RNLS: variants seen among roughly 807,000 people sequenced by gnomAD.
The protein encoded by RNLS is renalase.
A neutral mutation model predicts 39.8 loss-of-function variants in RNLS; 39 were observed. The observed-to-expected ratio is 0.98, with a 90% CI of 0.76 to 1.28. The LOEUF (loss-of-function observed/expected upper bound fraction) is 1.28. RNLS is among the 50% of genes most tolerant of loss of function. The pLI, the probability that RNLS is intolerant of heterozygous loss-of-function variation, is 0.00. For missense variants in RNLS, 410 were observed against 413.3 expected (o/e 0.99, Z 0.07); for synonymous variants, 147 against 150.7 (o/e 0.98, Z 0.18).
intron 6 of RNLS, among the ~76,000 whole-genome samples, chr10:88,278,776 C>T (rs749915826): frequency 6.6e-6 from 1 of 152,142 alleles, no homozygotes; most frequent in Non-Finnish European, 1.5e-5. Flanking sequence ...ATAGAAACCA[C>T]ATAAAGCAAA....
In RNLS at chr10:88,536,385, T is replaced by C. The variant is rs145542731; in HGVS notation, c.526+36518A>G. Among the ~76,000 whole-genome samples, 453 of 152,324 alleles carry C rather than the reference T, an allele frequency of 3.0e-3. 2 individuals carry two copies. Among genetic ancestry groups the C allele is most frequent in the Middle Eastern group, 0.024 (7 of 294 alleles). The stretch of plus-strand genomic sequence containing the variant: ...TCTCGCTTGAATCACTACAGTCTTC[T>C]TCCTGCACTTTCCAGTCTTGCCACC... On this transcript the variant is annotated intron_variant, in intron 4 of 6. Coordinates refer to ENST00000331772, the MANE Select transcript of RNLS (RefSeq NM_001031709.3).
At position 88,343,515 on chromosome 10, in the gene RNLS, A is replaced by G. The variant is rs368291966; in HGVS notation, c.700+19037T>C. ...GTAAGTTTGATCTTAACATATATAT[A>G]TATTTTCCAAAAACAACAAAAAAGG... On this transcript the variant is annotated intron_variant, in intron 5 of 6. Transcript: ENST00000331772. The G allele has an allele frequency of 2.8e-5, 27 of 960,430 alleles. No homozygotes were observed. In the African/African-American group the frequency reaches 3.7e-4, roughly 13 times the overall value. 59.5% of individuals were successfully genotyped at this position (960,430 alleles called of 1,614,324 possible).
chr10:88,380,667 A>T (rs1851408997), intron 4 of RNLS, among the ~76,000 whole-genome samples: 1 of 152,062 alleles, frequency 6.6e-6, no homozygotes, highest in African/African-American at 2.4e-5. Context: ...TACAGGCGTG[A>T]GCCACTGTGC....
intron 5 of RNLS, among the ~76,000 whole-genome samples, chr10:88,340,127 A>T (rs1847827310): frequency 6.6e-6 from 1 of 152,194 alleles, no homozygotes; most frequent in South Asian, 2.1e-4. Context: ...AGAGGAAGCA[A>T]TATCTTGAAG....
chr10:88,489,002 G>A (rs1241728957), intron 4 of RNLS, among the ~76,000 whole-genome samples: 1 of 152,190 alleles, frequency 6.6e-6, no homozygotes, highest in Non-Finnish European at 1.5e-5. Flanking sequence ...ATCATTATCT[G>A]TAATAAGACA....
intron 4 of RNLS, among the ~76,000 whole-genome samples, chr10:88,367,251 G>A (rs1850193206): frequency 6.6e-6 from 1 of 152,002 alleles, no homozygotes; most frequent in South Asian, 2.1e-4. Context: ...TCCTGCTGCA[G>A]GTAATCAGTA....
chr10:88,330,808 TA>T (rs1847061643), intron 5 of RNLS, among the ~76,000 whole-genome samples: 1 of 152,172 alleles, frequency 6.6e-6, no homozygotes, highest in Admixed American at 6.5e-5. Flanking sequence ...TAATAATATT[TA>T]AAATTTTTTG....
At chr10:88,517,864 A>C (rs1291094886) in intron 4 of RNLS, among the ~76,000 whole-genome samples, 1 of 151,958 alleles carries the variant, frequency 6.6e-6, no homozygotes, top group East Asian at 1.9e-4. Context: ...GAAAAGGAAC[A>C]CTGAATTTTA....
the RNLS span, among the ~76,000 whole-genome samples, chr10:88,222,477 T>G: frequency 6.6e-6 from 1 of 152,200 alleles, no homozygotes; most frequent in African/African-American, 2.4e-5. Flanking sequence ...TTACTTTCTC[T>G]GCCTCAATTT....
the RNLS span, among the ~76,000 whole-genome samples, chr10:88,261,666 C>T: frequency 6.6e-6 from 1 of 152,092 alleles, no homozygotes; most frequent in Non-Finnish European, 1.5e-5. Flanking sequence ...TCTACCACAC[C>T]CTCCCTTTAG....
At chr10:88,419,843 A>G (rs1454247191) in intron 4 of RNLS, among the ~76,000 whole-genome samples, 1 of 141,768 alleles carries the variant, frequency 7.1e-6, no homozygotes, top group East Asian at 2.0e-4. Context: ...TGTCTCTACT[A>G]AAAAAAAGTA....
At chr10:88,469,798 T>C (rs1203049477) in intron 4 of RNLS, among the ~76,000 whole-genome samples, 1 of 150,042 alleles carries the variant, frequency 6.7e-6, no homozygotes, top group Non-Finnish European at 1.5e-5. Flanking sequence ...GATCCATCTA[T>C]GGGTCAATAT....
At chr10:88,513,040 T>C (rs556858969) in intron 4 of RNLS, among the ~76,000 whole-genome samples, 2 of 152,266 alleles carry the variant, frequency 1.3e-5, no homozygotes, top group South Asian at 4.1e-4. Flanking sequence ...TTTTAAACTC[T>C]ACCTCTGAAT....
At chr10:88,499,321 G>A (rs1268826223) in intron 4 of RNLS, among the ~76,000 whole-genome samples, 2 of 152,094 alleles carry the variant, frequency 1.3e-5, no homozygotes, top group Non-Finnish European at 2.9e-5. Flanking sequence ...GTTTAACACT[G>A]TTAGAAGGCT....
At chr10:88,179,372 A>G in the RNLS span, among the ~76,000 whole-genome samples, 2 of 152,206 alleles carry the variant, frequency 1.3e-5, no homozygotes, top group Admixed American at 6.5e-5. Flanking sequence ...GCTAGTTAGT[A>G]GAATGTTAGC....
At chr10:88,538,325 C>T (rs868310112) in intron 4 of RNLS, among the ~76,000 whole-genome samples, 7 of 152,212 alleles carry the variant, frequency 4.6e-5, no homozygotes, top group African/African-American at 7.2e-5. Flanking sequence ...GAAGAGATGA[C>T]CAGAACAGCT....
intron 4 of RNLS, among the ~76,000 whole-genome samples, chr10:88,379,100 T>C (rs1477684472): frequency 6.6e-6 from 1 of 152,226 alleles, no homozygotes; most frequent in Non-Finnish European, 1.5e-5. Context: ...GGCATTATGA[T>C]GGCTACAACA....
At chr10:88,189,613 A>G in the RNLS span, among the ~76,000 whole-genome samples, 2 of 152,240 alleles carry the variant, frequency 1.3e-5, no homozygotes, top group South Asian at 2.1e-4. Context: ...TACTGTTCTT[A>G]TTCCCCACAG....
chr10:88,201,708 GT>G, the RNLS span, among the ~76,000 whole-genome samples: 13 of 149,650 alleles, frequency 8.7e-5, no homozygotes, highest in African/African-American at 3.2e-4. Flanking sequence ...AAAAAAAAAG[GT>G]TGCTCTAAGT....
Sources: allele counts gnomAD v4.1 joint callset (sites outside exome capture counted in the v4.1 genomes callset), GRCh38; gene constraint gnomAD v4.1.1; transcripts MANE v1.5; gene names NCBI Gene and HGNC (gene_info 2026-07-23, HGNC 2026-07-21).